Variants in CSMD2 observed in about 807,000 individuals in gnomAD.
CSMD2 encodes CUB and Sushi multiple domains 2, also known as CUB and sushi domain-containing protein 2.
In CSMD2, 130 loss-of-function variants were observed where a neutral mutation model predicts 398.5. The ratio of observed to expected loss-of-function variants is 0.33; its 90% CI spans 0.28 to 0.38. CSMD2 has a LOEUF of 0.38. Among genes scored for constraint, CSMD2 ranks in the 10% least tolerant of loss-of-function variants. The pLI is 1.00. For missense variants in CSMD2, 3,829 were observed against 4,764.9 expected, an observed-to-expected ratio of 0.80 and a Z score of 5.78; for synonymous variants, 1,828 against 1,908.5, an observed-to-expected ratio of 0.96 and a Z score of 1.10.
chr1:34,118,207 C>G (rs2148461971), intron 1 of CSMD2, among the ~76,000 whole-genome samples: 1 of 152,240 alleles, frequency 6.6e-6, no homozygotes, highest in East Asian at 1.9e-4. Flanking sequence ...CAGAGTGAGA[C>G]TCTGTCTCAA....
chr1:33,854,161 G>C (rs993188103), intron 5 of CSMD2, among the ~76,000 whole-genome samples: 2 of 152,150 alleles, frequency 1.3e-5, no homozygotes, highest in African/African-American at 2.4e-5. Context: ...TTTGTTGCTA[G>C]GTCTGGTTTA....
intron 65 of CSMD2, 119 bp downstream of exon 65, chr1:33,527,073 TATAG>T (rs1654842619): frequency 1.7e-5 from 15 of 888,736 alleles, no homozygotes; most frequent in Admixed American, 1.4e-4. Flanking sequence ...CATCCAGATT[TATAG>T]ATAGTTTTCA....
chr1:33,775,369 T>TA (rs991952462), intron 12 of CSMD2, among the ~76,000 whole-genome samples: 4 of 152,140 alleles, frequency 2.6e-5, no homozygotes, highest in East Asian at 1.9e-4. Flanking sequence ...TATTAATTTT[T>TA]AAAAAAAATT....
chr1:33,908,083 C>CT (rs1643217476), intron 5 of CSMD2, among the ~76,000 whole-genome samples: 1 of 63,678 alleles, frequency 1.6e-5, no homozygotes, highest in African/African-American at 8.4e-5. Flanking sequence ...AAGACTCCAT[C>CT]TCAAAAAAAA....
intron 5 of CSMD2, among the ~76,000 whole-genome samples, chr1:33,912,071 C>T (rs1352415574): frequency 2.6e-5 from 4 of 152,178 alleles, no homozygotes; most frequent in African/African-American, 4.8e-5. Context: ...TGCCCCAGGA[C>T]AGTGTCCTCC....
chr1:33,852,914 T>C (rs1638819906), intron 5 of CSMD2, among the ~76,000 whole-genome samples: 1 of 152,224 alleles, frequency 6.6e-6, no homozygotes, highest in African/African-American at 2.4e-5. Context: ...GTTAAGGAGT[T>C]GTGCAAGATG....
At chr1:33,723,748 A>G (rs1265742174) in intron 19 of CSMD2, among the ~76,000 whole-genome samples, 1 of 152,196 alleles carries the variant, frequency 6.6e-6, no homozygotes, top group Non-Finnish European at 1.5e-5. Context: ...TCCAGGATGC[A>G]ATACAAGAAA....
At chr1:33,982,778 C>A (rs1049869472) in intron 3 of CSMD2, among the ~76,000 whole-genome samples, 8 of 152,116 alleles carry the variant, frequency 5.3e-5, no homozygotes, top group African/African-American at 1.9e-4. Context: ...TCTACTGTGG[C>A]CTTGGTGGAG....
chr1:34,078,205 G>A (rs1462224181), intron 2 of CSMD2, among the ~76,000 whole-genome samples: 1 of 152,026 alleles, frequency 6.6e-6, no homozygotes, highest in African/African-American at 2.4e-5. Context: ...TCTGCTGCAG[G>A]CCTCTTGGTG....
chr1:33,983,197 G>A (rs1472254306), intron 3 of CSMD2, among the ~76,000 whole-genome samples: 5 of 152,310 alleles, frequency 3.3e-5, no homozygotes, highest in South Asian at 4.1e-4. Context: ...AGAAGGCAGT[G>A]CAACAATCCA....
chr1:34,162,550 G>A (rs938294562), intron 1 of CSMD2, among the ~76,000 whole-genome samples: 15 of 152,210 alleles, frequency 9.9e-5, no homozygotes, highest in Non-Finnish European at 2.1e-4. Context: ...ATCTAAAGGC[G>A]GGAAAGGCTT....
chr1:33,897,628 C>G (rs1486361090), intron 5 of CSMD2, among the ~76,000 whole-genome samples: 1 of 152,190 alleles, frequency 6.6e-6, no homozygotes, highest in East Asian at 1.9e-4. Flanking sequence ...GAGGACACAG[C>G]CGGGTGACAA....
intron 3 of CSMD2, among the ~76,000 whole-genome samples, chr1:33,968,810 T>C (rs1453239057): frequency 6.6e-6 from 1 of 152,218 alleles, no homozygotes; most frequent in African/African-American, 2.4e-5. Flanking sequence ...GGCTACTGAG[T>C]TGGTGACAAT....
intron 4 of CSMD2, among the ~76,000 whole-genome samples, chr1:33,919,860 A>G (rs954713197): frequency 7.9e-5 from 12 of 152,226 alleles, no homozygotes; most frequent in Non-Finnish European, 1.6e-4. Context: ...ATGCTAACTG[A>G]GCACCTACTA....
intron 66 of CSMD2, among the ~76,000 whole-genome samples, chr1:33,523,635 T>C (rs183674702): frequency 1.7e-4 from 26 of 152,326 alleles, no homozygotes; most frequent in Admixed American, 1.3e-3. Flanking sequence ...TATATGCATA[T>C]GTATGTTAAT....
chr1:34,130,714 C>T (rs546046782), intron 1 of CSMD2, among the ~76,000 whole-genome samples: 1 of 152,272 alleles, frequency 6.6e-6, no homozygotes, highest in East Asian at 1.9e-4. Context: ...CTGCTCAGCC[C>T]TGCGCTCAAT....
At chr1:34,027,176 GAAGAT>G (rs776238481) in intron 3 of CSMD2, among the ~76,000 whole-genome samples, 1 of 152,128 alleles carries the variant, frequency 6.6e-6, no homozygotes, top group Admixed American at 6.5e-5. Flanking sequence ...CACTTACAAA[GAAGAT>G]AAGAAAAATT....
chr1:33,783,247 C>A (rs183516261), intron 12 of CSMD2, among the ~76,000 whole-genome samples: 3 of 152,182 alleles, frequency 2.0e-5, no homozygotes, highest in Admixed American at 2.0e-4. Flanking sequence ...GTATTACGGA[C>A]TGAACTTGTG....
At chr1:33,608,402 A>G (rs940717005) in intron 41 of CSMD2, among the ~76,000 whole-genome samples, 5 of 152,278 alleles carry the variant, frequency 3.3e-5, no homozygotes, top group African/African-American at 1.2e-4. Context: ...TGGCACTGCC[A>G]TTCCTTATAT....
Sources: allele counts gnomAD v4.1 joint callset (sites outside exome capture counted in the v4.1 genomes callset), GRCh38; gene constraint gnomAD v4.1.1; transcripts MANE v1.5; gene names NCBI Gene and HGNC (gene_info 2026-07-23, HGNC 2026-07-21).